CFAP20DC: variants seen among roughly 807,000 people sequenced by gnomAD.
CFAP20DC encodes the protein CFAP20 domain containing, also known as protein CFAP20DC.
CFAP20DC carries 84 observed loss-of-function variants against 101.7 expected under a neutral mutation model. The observed-to-expected ratio is 0.83, with a 90% CI of 0.69 to 0.99. The LOEUF is 0.99. Among genes scored for constraint, CFAP20DC ranks in the 50% least tolerant of loss-of-function variants. The pLI, the probability that CFAP20DC is intolerant of heterozygous loss-of-function variation, is 0.00. For missense variants in CFAP20DC, 1,007 were observed against 970.3 expected, an observed-to-expected ratio of 1.04 and a Z score of -0.50; for synonymous variants, 359 against 351.2, an observed-to-expected ratio of 1.02 and a Z score of -0.25.
At chr3:58,925,785 T>TA (rs2085893559) in intron 5 of CFAP20DC, among the ~76,000 whole-genome samples, 1 of 152,212 alleles carries the variant, frequency 6.6e-6, no homozygotes, top group Non-Finnish European at 1.5e-5. Context: ...CAAGGGCCTA[T>TA]AGTCAGGAAG....
At chr3:58,949,226 A>T (rs912555797) in intron 4 of CFAP20DC, among the ~76,000 whole-genome samples, 1 of 151,778 alleles carries the variant, frequency 6.6e-6, no homozygotes, top group Non-Finnish European at 1.5e-5. Context: ...TGATCTTTTC[A>T]AAAAACCAGC....
At chr3:58,754,169 A>T (rs1271075905) in intron 15 of CFAP20DC, among the ~76,000 whole-genome samples, 1 of 152,198 alleles carries the variant, frequency 6.6e-6, no homozygotes, top group Non-Finnish European at 1.5e-5. Flanking sequence ...TCAATAACTC[A>T]GAGGAAACGT....
intron 3 of CFAP20DC, among the ~76,000 whole-genome samples, chr3:58,736,492 A>T (rs2067759530): frequency 6.6e-6 from 1 of 152,226 alleles, no homozygotes; most frequent in South Asian, 2.1e-4. Context: ...GTTATACTTC[A>T]GACTGGCATA....
intron 12 of CFAP20DC, among the ~76,000 whole-genome samples, chr3:58,852,261 G>C (rs573389135): frequency 6.6e-6 from 1 of 152,052 alleles, no homozygotes; most frequent in South Asian, 2.1e-4. Flanking sequence ...CTCTGCTCTT[G>C]TCTGCAGGTG....
chr3:58,909,895 C>T (rs191591757), intron 6 of CFAP20DC, among the ~76,000 whole-genome samples: 1 of 152,090 alleles, frequency 6.6e-6, no homozygotes, highest in Non-Finnish European at 1.5e-5. Flanking sequence ...GTTCCCTACT[C>T]CCCAACAGGC....
Position 58,748,426 on chromosome 3 carries a change from C to T in CFAP20DC, c.2332+5343G>A, listed in dbSNP as rs192508590. On this transcript the variant is annotated intron_variant, in intron 16 of 16. Coordinates refer to ENST00000482387, the MANE Select transcript of CFAP20DC (RefSeq NM_001394063.1). Reference sequence around the variant, plus strand: ...AGCCTCAGACACCTGCAATGTGTTTCGCTCTACTGGAGAGTTCACTTCTAG... The same window carrying T: ...AGCCTCAGACACCTGCAATGTGTTTTGCTCTACTGGAGAGTTCACTTCTAG... Among the ~76,000 whole-genome samples, 52 of 152,214 alleles carry T rather than the reference C, an allele frequency of 3.4e-4. 2 individuals carry two copies. In the South Asian group the frequency reaches 9.4e-3, roughly 27 times the overall value.
rs549043767 is a variant in CFAP20DC, at chr3:58,736,947, T to G, written c.197+16822A>C. Among the ~76,000 whole-genome samples, 3 of 152,324 alleles carry G rather than the reference T, an allele frequency of 2.0e-5. No individual in the cohort carries two copies. The East Asian group carries it at 5.8e-4, about 29-fold the overall frequency. ...TGACTTAATGTGATTCTAAATTACA[T>G]TAAAACCACGCAAACCAGAACCAAA... is the stretch of plus-strand genomic sequence containing the variant. On this transcript the variant is annotated intron_variant, in intron 3 of 3. Transcript: ENST00000486145.
intron 4 of CFAP20DC, among the ~76,000 whole-genome samples, chr3:58,959,882 GTC>G (rs2090983150): frequency 1.3e-5 from 2 of 152,140 alleles, no homozygotes; most frequent in African/African-American, 4.8e-5. Flanking sequence ...CCAAATCAAT[GTC>G]TCTGCATTTA....
In CFAP20DC at chr3:58,897,255, A is replaced by G. The variant is rs1320535976; in HGVS notation, c.551-12546T>C. ...TTGGTAAATTTTCCTCCATTCCTTTATTTTAAGCCTATGTGTGTGTCTTTG... is the reference window on the plus strand; with the variant it reads ...TTGGTAAATTTTCCTCCATTCCTTTGTTTTAAGCCTATGTGTGTGTCTTTG... On this transcript the variant is annotated intron_variant, in intron 6 of 16. Transcript: ENST00000482387. This position sits in a 1 kb window ranked among gnomAD's most constrained non-coding sequence, Gnocchi z 4.4. Among the ~76,000 whole-genome samples the G allele has an allele frequency of 6.6e-6, 1 of 151,950 alleles. No individual in the cohort carries two copies. Among genetic ancestry groups the G allele is most frequent in the African/African-American group, 2.4e-5 (1 of 41,348 alleles).
chr3:58,960,544 T>C (rs1188882102), intron 4 of CFAP20DC, among the ~76,000 whole-genome samples: 3 of 151,982 alleles, frequency 2.0e-5, no homozygotes. Context: ...TTATTGTTAC[T>C]GGGATTGGAA....
At chr3:58,820,991 A>AT (rs1396281183) in intron 14 of CFAP20DC, among the ~76,000 whole-genome samples, 3 of 151,706 alleles carry the variant, frequency 2.0e-5, no homozygotes, top group African/African-American at 7.3e-5. Flanking sequence ...ATAACGCCAC[A>AT]TATCTACAAT....
At chr3:58,774,879 G>A (rs758501682) in intron 15 of CFAP20DC, among the ~76,000 whole-genome samples, 11 of 152,148 alleles carry the variant, frequency 7.2e-5, no homozygotes, top group Admixed American at 2.0e-4. Flanking sequence ...ACGCTGTCTG[G>A]AGTTTTATCT....
intron 15 of CFAP20DC, among the ~76,000 whole-genome samples, chr3:58,779,600 T>C (rs552493547): frequency 1.3e-5 from 2 of 152,104 alleles, no homozygotes; most frequent in Admixed American, 6.5e-5. Context: ...ACAGACTAGA[T>C]CGAGCAGAAG....
chr3:58,929,158 ATC>A (rs1374852747), intron 5 of CFAP20DC, among the ~76,000 whole-genome samples: 1 of 152,216 alleles, frequency 6.6e-6, no homozygotes, highest in Non-Finnish European at 1.5e-5. Context: ...TTCACTTCCT[ATC>A]TCATCAAGAT....
chr3:58,999,843 TAAAAAAAAAAAA>T (rs565894929), intron 4 of CFAP20DC, among the ~76,000 whole-genome samples: 2 of 76,762 alleles, frequency 2.6e-5, no homozygotes, highest in African/African-American at 8.8e-5. Flanking sequence ...GTCACTAATG[TAAAAAAAAAAAA>T]AAAAAAAAAA....
intron 5 of CFAP20DC, among the ~76,000 whole-genome samples, chr3:58,935,694 T>C (rs1411272571): frequency 1.3e-5 from 2 of 152,160 alleles, no homozygotes; most frequent in African/African-American, 2.4e-5. Context: ...ATTTAATAAA[T>C]GGTGCTGGGA....
chr3:59,003,825 A>G (rs1305206977), intron 4 of CFAP20DC, among the ~76,000 whole-genome samples: 2 of 152,208 alleles, frequency 1.3e-5, no homozygotes, highest in African/African-American at 2.4e-5. Context: ...CACATAGTAC[A>G]TACAATAGGA....
intron 15 of CFAP20DC, among the ~76,000 whole-genome samples, chr3:58,779,829 A>G (rs576813478): frequency 1.3e-5 from 2 of 152,300 alleles, no homozygotes; most frequent in African/African-American, 4.8e-5. Context: ...AATTCTAGCA[A>G]GAGATTCAGA....
intron 3 of CFAP20DC, chr3:58,734,440 A>G (rs2067706188): frequency 2.4e-6 from 1 of 417,776 alleles, no homozygotes; most frequent in Non-Finnish European, 4.8e-6. Flanking sequence ...TTAAATAATA[A>G]TCACACCAGT....
Sources: allele counts gnomAD v4.1 joint callset (sites outside exome capture counted in the v4.1 genomes callset), GRCh38; gene constraint gnomAD v4.1.1; non-coding constraint Gnocchi (gnomAD v3.1); transcripts MANE v1.5; gene names NCBI Gene and HGNC (gene_info 2026-07-23, HGNC 2026-07-21).